The following AHNAK variants were observed in gnomAD, a reference collection of about 807,000 sequenced individuals.
AHNAK encodes the protein neuroblast differentiation-associated protein AHNAK.
Under a neutral mutation model 37.8 loss-of-function variants are expected in AHNAK, and 23 were observed. The observed-to-expected ratio is 0.61, with a 90% CI of 0.44 to 0.86. AHNAK has a LOEUF of 0.86. Ranked by LOEUF, AHNAK falls within the 40% of genes least tolerant of loss-of-function variation. The probability of loss-of-function intolerance (pLI) is 0.00; values close to 1 mark genes in which losing one functional copy is unlikely to be tolerated. For missense variants in AHNAK, 7,411 were observed against 7,319.4 expected (o/e 1.01, Z -0.46); for synonymous variants, 2,481 against 2,636.3 (o/e 0.94, Z 1.80).
At chr11:62,439,992 C>T (rs984348722) in intron 5 of AHNAK, among the ~76,000 whole-genome samples, 17 of 152,186 alleles carry the variant, frequency 1.1e-4, no homozygotes, top group African/African-American at 3.9e-4. Flanking sequence ...AGTCTCTCCT[C>T]TCTTCTGTCT....
chr11:62,434,234 G>A (rs1938112301), intron 5 of AHNAK, among the ~76,000 whole-genome samples: 3 of 152,140 alleles, frequency 2.0e-5, no homozygotes, highest in Admixed American at 1.3e-4. Context: ...AACAGAGGAA[G>A]GTAGGAACCG....
Position 62,521,905 on chromosome 11 carries a change from T to A in AHNAK, c.12512A>T (p.Asp4171Val), listed in dbSNP as rs113635103. Reference sequence around the variant, plus strand: ...AACGTCCACATCTGGGACATCAATGTCCACTTTGGGGCCCTTGATGTCAAC... The same window carrying A: ...AACGTCCACATCTGGGACATCAATGACCACTTTGGGGCCCTTGATGTCAAC... ...PEVDIKGPKV[D>V]IDVPDVDVQG... Residue 4171 changes from aspartate (D) to valine (V), a missense_variant, in exon 5 of 5, where the codon GAC becomes GTC. Asp to Val is a radical substitution (Grantham distance 152). Coordinates refer to ENST00000378024, the MANE Select transcript of AHNAK (RefSeq NM_001620.3). 1.2e-6 allele frequency: 2 copies of A among 1,613,474 alleles called. No homozygotes were observed. Among genetic ancestry groups the A allele is most frequent in the Non-Finnish European group, 8.5e-7 (1 of 1,179,892 alleles).
At position 62,531,103 on chromosome 11, in the gene AHNAK, C is replaced by A; in HGVS notation, c.3314G>T (p.Gly1105Val). Residue 1105 changes from glycine to valine, a missense_variant, in exon 5 of 5, where the codon GGT (glycine) becomes GTT (valine). Coordinates refer to ENST00000378024, the MANE Select transcript of AHNAK (RefSeq NM_001620.3). ...EMQVPDVDIR[G>V]PKVDIKAPDV... ...TGGTGCTTTAATATCTACCTTGGGA[C>A]CTCTGATGTCCACATCTGGAACCTG... 1 of 1,614,084 alleles carries A rather than the reference C, an allele frequency of 6.2e-7. No individual in the cohort carries two copies. The highest frequency in any genetic ancestry group is 8.5e-7 in the Non-Finnish European group (1 of 1,180,038).
intron 5 of AHNAK, among the ~76,000 whole-genome samples, chr11:62,439,555 T>G (rs1938256444): frequency 6.6e-6 from 1 of 152,156 alleles, no homozygotes; most frequent in African/African-American, 2.4e-5. Flanking sequence ...TCCTATGCAT[T>G]TTGTTTATCC....
At chr11:62,483,463 G>C (rs993793231) in intron 5 of AHNAK, among the ~76,000 whole-genome samples, 15 of 151,656 alleles carry the variant, frequency 9.9e-5, no homozygotes, top group African/African-American at 3.6e-4. Context: ...GCGGTGGCTC[G>C]CGCCTGTAAT....
chr11:62,479,167 C>CTTTTTTTTTTTTTTTTTTTTTTT (rs33929407), intron 5 of AHNAK, among the ~76,000 whole-genome samples: 92 of 116,212 alleles, frequency 7.9e-4, no homozygotes, highest in Non-Finnish European at 9.3e-4. Context: ...TTTCTTTTTT[C>CTTTTTTTTTTTTTTTTTTTTTTT]TTTTTTTTTT....
At chr11:62,459,584 C>T (rs1938742859) in intron 5 of AHNAK, among the ~76,000 whole-genome samples, 1 of 152,210 alleles carries the variant, frequency 6.6e-6, no homozygotes, top group African/African-American at 2.4e-5. Context: ...GACCTCCACA[C>T]CTCCACACAA....
chr11:62,445,201 GAGA>G (rs1330365554), intron 5 of AHNAK, among the ~76,000 whole-genome samples: 1 of 152,174 alleles, frequency 6.6e-6, no homozygotes, highest in African/African-American at 2.4e-5. Flanking sequence ...AGGAGCTACC[GAGA>G]AGGAGACATA....
chr11:62,478,011 G>C (rs1939186323), intron 5 of AHNAK, among the ~76,000 whole-genome samples: 1 of 152,030 alleles, frequency 6.6e-6, no homozygotes, highest in Admixed American at 6.6e-5. Context: ...GTGAAGCCCG[G>C]GACCTGTACA....
At chr11:62,438,906 G>C (rs1042031183) in intron 5 of AHNAK, among the ~76,000 whole-genome samples, 1 of 151,898 alleles carries the variant, frequency 6.6e-6, no homozygotes, top group Non-Finnish European at 1.5e-5. Flanking sequence ...ATATGATAAT[G>C]ACTTCCTGGG....
chr11:62,453,920 A>G (rs1393128736), intron 5 of AHNAK, among the ~76,000 whole-genome samples: 1 of 151,830 alleles, frequency 6.6e-6, no homozygotes, highest in Non-Finnish European at 1.5e-5. Flanking sequence ...CAGCCTGACC[A>G]ACATGGTGAA....
chr11:62,456,502 C>A (rs1417861873), intron 5 of AHNAK, among the ~76,000 whole-genome samples: 2 of 152,210 alleles, frequency 1.3e-5, no homozygotes, highest in African/African-American at 4.8e-5. Context: ...TGCCCAAGAG[C>A]ACCCAGCAGA....
chr11:62,455,096 C>T (rs113046166), intron 5 of AHNAK, among the ~76,000 whole-genome samples: 17,507 of 151,562 alleles, frequency 0.12, 1,148 homozygotes, highest in Middle Eastern at 0.18. Flanking sequence ...CCATGCTTGA[C>T]TAATTTTTGT....
At chr11:62,480,987 C>A (rs1390506439) in intron 5 of AHNAK, among the ~76,000 whole-genome samples, 1 of 152,070 alleles carries the variant, frequency 6.6e-6, no homozygotes, top group African/African-American at 2.4e-5. Context: ...TGTGAGTAAC[C>A]GATGAAACCC....
chr11:62,532,860 C>G lies in AHNAK; in HGVS notation c.1557G>C (p.Lys519Asn), dbSNP rs376474842. 3.7e-6 allele frequency: 6 copies of G among 1,614,104 alleles called. No individual in the cohort carries two copies. The East Asian group carries it at 1.3e-4, about 36-fold the overall frequency. ...CACCTTGCACCCCAGGAGCAGAAAC[C>G]TTAATATCTCCTTTCAGTTTAGGAG... ...LGSPKLKGDI[K>N]VSAPGVQGDV... Residue 519 changes from lysine to asparagine, a missense_variant, in exon 5 of 5, where the codon AAG (lysine) becomes AAC (asparagine). By Grantham distance (94) the Lys-to-Asn change is moderately conservative (BLOSUM62 0). Coordinates refer to ENST00000378024, the MANE Select transcript of AHNAK (RefSeq NM_001620.3).
In AHNAK at chr11:62,522,539, C is replaced by T; in HGVS notation, c.11878G>A (p.Asp3960Asn). 1 of 1,613,842 alleles carries T rather than the reference C, an allele frequency of 6.2e-7. No homozygotes were observed. The highest frequency in any genetic ancestry group is 8.5e-7 in the Non-Finnish European group (1 of 1,179,990). The change falls in exon 5 of 5, where the codon GAC (aspartate) becomes AAC (asparagine). Residue 3960 changes from aspartate to asparagine, a missense_variant. Coordinates refer to ENST00000378024, the MANE Select transcript of AHNAK (RefSeq NM_001620.3). Reference sequence around the variant, plus strand: ...ACCTTGGGTCCTGAGACGTCAAGGTCAGCCTTGGGCAGGTTCACATCCACT... The same window carrying T: ...ACCTTGGGTCCTGAGACGTCAAGGTTAGCCTTGGGCAGGTTCACATCCACT... The part of the protein sequence containing the change: ...PEVDVNLPKA[D>N]LDVSGPKVDV...
intron 5 of AHNAK, among the ~76,000 whole-genome samples, chr11:62,469,623 C>T (rs1359554286): frequency 1.3e-5 from 2 of 151,356 alleles, no homozygotes; most frequent in Admixed American, 6.6e-5. Context: ...TGCCACTACA[C>T]CCAGATAAAT....
Position 62,536,353 on chromosome 11 carries a change from G to A in AHNAK, c.-1+116C>T, listed in dbSNP as rs1313409663. 3.5e-5 allele frequency: 14 copies of A among 405,268 alleles called. No homozygotes were observed. The South Asian group carries it at 5.2e-4, about 15-fold the overall frequency. 25.1% of individuals were successfully genotyped at this position (405,268 alleles called of 1,614,324 possible). On this transcript the variant is annotated intron_variant, in intron 2 of 4. Transcript: ENST00000378024. ...GGAGACAGCAGAGGCAACTGGACCC[G>A]GAGGTAGCTGGCCCTTCATCCCTGT...
intron 5 of AHNAK, among the ~76,000 whole-genome samples, chr11:62,481,102 T>G (rs28605653): frequency 2.4e-3 from 246 of 102,408 alleles, no homozygotes; most frequent in African/African-American, 8.6e-3. Flanking sequence ...TTTTTTTTTT[T>G]GGTTTTTTTT....
Sources: gnomAD v4.1 joint callset for allele counts (sites outside exome capture counted in the v4.1 genomes callset) on GRCh38, gnomAD v4.1.1 for gene constraint, MANE v1.5 for transcripts, NCBI Gene and HGNC (gene_info 2026-07-23, HGNC 2026-07-21) for gene names.